The following PIBF1 variants were observed in gnomAD, a reference collection of about 807,000 sequenced individuals.
The protein encoded by PIBF1 is progesterone immunomodulatory binding factor 1.
PIBF1 carries 90 observed loss-of-function variants against 112.5 expected under a neutral mutation model. That is an observed-to-expected ratio of 0.80 (90% confidence interval 0.67 to 0.95). PIBF1 has a LOEUF of 0.95. PIBF1 is among the 40% of genes least tolerant of loss of function. The pLI, the probability that PIBF1 is intolerant of heterozygous loss-of-function variation, is 0.00. For synonymous variants in PIBF1, 301 were observed against 288.6 expected, an observed-to-expected ratio of 1.04 and a Z score of -0.44; for missense variants, 915 against 852.3, an observed-to-expected ratio of 1.07 and a Z score of -0.92.
At chr13:73,005,687 G>A (rs2044012014) in intron 17 of PIBF1, among the ~76,000 whole-genome samples, 1 of 152,084 alleles carries the variant, frequency 6.6e-6, no homozygotes, top group Non-Finnish European at 1.5e-5. Flanking sequence ...TGACAAGGAT[G>A]CCACACTAGG....
At chr13:72,860,012 A>G (rs529659363) in intron 10 of PIBF1, among the ~76,000 whole-genome samples, 2 of 152,348 alleles carry the variant, frequency 1.3e-5, no homozygotes, top group South Asian at 4.1e-4. Context: ...GGTAATCACT[A>G]CAAGAAAGCG....
intron 10 of PIBF1, among the ~76,000 whole-genome samples, chr13:72,856,313 A>G (rs908892609): frequency 3.3e-5 from 5 of 152,126 alleles, no homozygotes; most frequent in African/African-American, 1.2e-4. Context: ...TTTCCAACGA[A>G]TTTTTCACTA....
chr13:72,788,234 A>G lies in PIBF1; in HGVS notation c.253-4213A>G, dbSNP rs1217832597. On this transcript the variant is annotated intron_variant, in intron 2 of 17. Transcript: ENST00000326291. Reference sequence around the variant, plus strand: ...ATTGGAAGCATTTAAGTAGTCCTGAATAGTCAACTGTTAATAAATATTATA... The same window carrying G: ...ATTGGAAGCATTTAAGTAGTCCTGAGTAGTCAACTGTTAATAAATATTATA... Among the ~76,000 whole-genome samples the G allele has an allele frequency of 3.3e-5, 5 of 152,282 alleles. No individual in the cohort carries two copies. In the East Asian group the frequency reaches 9.7e-4, roughly 29 times the overall value.
At chr13:72,965,831 G>A (rs2042725951) in intron 15 of PIBF1, among the ~76,000 whole-genome samples, 5 of 152,012 alleles carry the variant, frequency 3.3e-5, no homozygotes, top group Admixed American at 1.3e-4. Flanking sequence ...TTTTTCCAAG[G>A]AATTTTTAGG....
intron 17 of PIBF1, among the ~76,000 whole-genome samples, chr13:73,015,398 C>G (rs973708424): frequency 2.0e-5 from 3 of 152,262 alleles, no homozygotes; most frequent in Admixed American, 6.5e-5. Flanking sequence ...GCCTTTTAGG[C>G]TGAAATGATT....
intron 2 of PIBF1, among the ~76,000 whole-genome samples, chr13:72,790,728 T>C (rs935978053): frequency 6.6e-6 from 1 of 152,000 alleles, no homozygotes; most frequent in African/African-American, 2.4e-5. Flanking sequence ...TCATGGAAGC[T>C]AAAAGAGAAT....
At chr13:72,989,093 G>T (rs2043392976) in intron 16 of PIBF1, among the ~76,000 whole-genome samples, 1 of 152,082 alleles carries the variant, frequency 6.6e-6, no homozygotes, top group Non-Finnish European at 1.5e-5. Flanking sequence ...TATATATCAG[G>T]GGGAAAATCT....
chr13:72,953,030 C>T lies in PIBF1; in HGVS notation c.1834-12244C>T, dbSNP rs117844552. Among the ~76,000 whole-genome samples the T allele has an allele frequency of 8.5e-3, 1,292 of 152,124 alleles. 67 individuals carry two copies. Among genetic ancestry groups the T allele is most frequent in the East Asian group, 9.5e-3 (49 of 5,160 alleles). On this transcript the variant is annotated intron_variant, in intron 14 of 17. Transcript: ENST00000326291. ...CATACTTAATAGTGAGCAGAGCTCC[C>T]AGCCTTGACAGAAGCAGCTGGGGAA...
intron 14 of PIBF1, among the ~76,000 whole-genome samples, chr13:72,937,976 C>T (rs1566470218): frequency 6.6e-6 from 1 of 152,146 alleles, no homozygotes; most frequent in African/African-American, 2.4e-5. Context: ...CTGGTTGATG[C>T]ACTTCCTTTA....
Position 72,835,385 on chromosome 13 carries a change from G to T in PIBF1, c.1223+17G>T, listed in dbSNP as rs2037311884. ...AGAAAACAGGTAAAAAAAAAAAAATGCTTGTATGGTATTTTATTTATCTTT... is the reference window on the plus strand; with the variant it reads ...AGAAAACAGGTAAAAAAAAAAAAATTCTTGTATGGTATTTTATTTATCTTT... On this transcript the variant is annotated intron_variant, in intron 9 of 17. Coordinates refer to ENST00000326291, the MANE Select transcript of PIBF1 (RefSeq NM_006346.4). 5.0e-6 allele frequency: 7 copies of T among 1,391,804 alleles called. No homozygotes were observed. The highest frequency in any genetic ancestry group is 1.4e-5 in the South Asian group (1 of 74,046). 86.2% of individuals were successfully genotyped at this position (1,391,804 alleles called of 1,614,324 possible). A position where few individuals can be genotyped will look rare whatever the true frequency, so the allele number is the denominator to read the frequency against.
At chr13:72,870,350 T>G (rs1316234147) in intron 10 of PIBF1, among the ~76,000 whole-genome samples, 2 of 152,206 alleles carry the variant, frequency 1.3e-5, no homozygotes, top group Non-Finnish European at 2.9e-5. Context: ...AGCACTTTAC[T>G]GAGTACATCA....
intron 14 of PIBF1, among the ~76,000 whole-genome samples, chr13:72,935,056 G>A (rs1441668391): frequency 6.6e-6 from 1 of 152,096 alleles, no homozygotes; most frequent in Non-Finnish European, 1.5e-5. Flanking sequence ...TGCAATCTTG[G>A]CTCACCACAA....
intron 16 of PIBF1, among the ~76,000 whole-genome samples, chr13:72,975,492 C>T (rs927202335): frequency 6.6e-6 from 1 of 152,150 alleles, no homozygotes; most frequent in African/African-American, 2.4e-5. Context: ...TTACTGGAAG[C>T]AGTTCAAAGG....
At chr13:72,782,485 T>A (rs1566259489) in intron 1 of PIBF1, 136 bp downstream of exon 1, 1 of 152,124 alleles carries the variant, frequency 6.6e-6, no homozygotes, top group Non-Finnish European at 1.5e-5. Context: ...AGGAGAGAAT[T>A]TGTCTTTGAA....
At chr13:72,961,063 AT>A (rs926007754) in intron 14 of PIBF1, among the ~76,000 whole-genome samples, 2 of 126,768 alleles carry the variant, frequency 1.6e-5, no homozygotes, top group Non-Finnish European at 3.4e-5. Context: ...TTTTTTGAAG[AT>A]TTTTTTTCCT....
At chr13:73,011,141 A>C (rs901426598) in intron 17 of PIBF1, among the ~76,000 whole-genome samples, 1 of 152,072 alleles carries the variant, frequency 6.6e-6, no homozygotes, top group Admixed American at 6.6e-5. Context: ...TTTCTTAAAT[A>C]CATAAGAGAA....
At chr13:73,006,532 T>G (rs1432931204) in intron 17 of PIBF1, among the ~76,000 whole-genome samples, 3 of 152,184 alleles carry the variant, frequency 2.0e-5, no homozygotes, top group African/African-American at 7.2e-5. Context: ...TTCTCAATAT[T>G]TACTTATTTG....
At chr13:72,956,807 C>A (rs138427233) in intron 14 of PIBF1, among the ~76,000 whole-genome samples, 1 of 152,022 alleles carries the variant, frequency 6.6e-6, no homozygotes, top group Non-Finnish European at 1.5e-5. Flanking sequence ...TAAGAATCAT[C>A]AAAAATTCTA....
At chr13:72,828,763 T>C (rs1416974236) in intron 8 of PIBF1, among the ~76,000 whole-genome samples, 1 of 152,224 alleles carries the variant, frequency 6.6e-6, no homozygotes, top group Non-Finnish European at 1.5e-5. Context: ...GTGTCTTTTA[T>C]GTTAGAATGA....
Sources: allele counts gnomAD v4.1 joint callset (sites outside exome capture counted in the v4.1 genomes callset), GRCh38; gene constraint gnomAD v4.1.1; transcripts MANE v1.5; gene names NCBI Gene and HGNC (gene_info 2026-07-23, HGNC 2026-07-21).